Variants in OPA1 observed in about 807,000 individuals in gnomAD.
OPA1 encodes the protein dynamin-like GTPase OPA1, mitochondrial.
Under a neutral mutation model 152.9 loss-of-function variants are expected in OPA1, and 59 were observed. The ratio of observed to expected loss-of-function variants is 0.39; its 90% CI spans 0.31 to 0.48. OPA1 has a LOEUF of 0.48. OPA1 is among the 20% of genes least tolerant of loss of function. The pLI is 0.96. For synonymous variants in OPA1, 400 were observed against 389.9 expected (o/e 1.03, Z -0.31); for missense variants, 1,008 against 1,216.8 (o/e 0.83, Z 2.55).
chr3:193,683,796 C>A (rs900568756), intron 29 of OPA1, among the ~76,000 whole-genome samples: 2 of 152,180 alleles, frequency 1.3e-5, no homozygotes, highest in African/African-American at 4.8e-5. Flanking sequence ...AATGCTATTA[C>A]ACACTTAATA....
chr3:193,608,157 C>T (rs369187006), intron 1 of OPA1, among the ~76,000 whole-genome samples: 1 of 152,160 alleles, frequency 6.6e-6, no homozygotes, highest in African/African-American at 2.4e-5. Context: ...AAACCAGTTA[C>T]TGGATTCATT....
At chr3:193,658,048 C>T (rs1714289666) in intron 23 of OPA1, among the ~76,000 whole-genome samples, 2 of 152,046 alleles carry the variant, frequency 1.3e-5, no homozygotes, top group Non-Finnish European at 1.5e-5. Context: ...GAGTTTGAGA[C>T]CAGCCTGACC....
intron 22 of OPA1, among the ~76,000 whole-genome samples, chr3:193,655,683 T>C (rs997542138): frequency 2.0e-5 from 3 of 152,174 alleles, no homozygotes; most frequent in African/African-American, 7.2e-5. Flanking sequence ...AGTAATTATA[T>C]GTAAAATACT....
At chr3:193,605,590 C>T (rs951825655) in intron 1 of OPA1, among the ~76,000 whole-genome samples, 17 of 152,292 alleles carry the variant, frequency 1.1e-4, no homozygotes, top group Non-Finnish European at 1.6e-4. Context: ...AGGGGTATTA[C>T]AGGCTTGAGT....
chr3:193,628,103 A>T (rs1731455862), intron 7 of OPA1, among the ~76,000 whole-genome samples: 1 of 152,110 alleles, frequency 6.6e-6, no homozygotes, highest in African/African-American at 2.4e-5. Context: ...TGCCATAATG[A>T]TCAAAATCCT....
intron 6 of OPA1, among the ~76,000 whole-genome samples, chr3:193,622,055 A>G (rs1435887596): frequency 1.3e-5 from 2 of 152,128 alleles, no homozygotes; most frequent in Non-Finnish European, 2.9e-5. Flanking sequence ...AGCATCTCAC[A>G]GAAGTAAGAA....
intron 8 of OPA1, among the ~76,000 whole-genome samples, chr3:193,632,808 C>G (rs1407482539): frequency 6.6e-6 from 1 of 152,130 alleles, no homozygotes; most frequent in East Asian, 1.9e-4. Context: ...GAGGTCAAGG[C>G]TACTGTAAGC....
At chr3:193,661,680 C>CA (rs1280533691) in intron 25 of OPA1, among the ~76,000 whole-genome samples, 1 of 152,120 alleles carries the variant, frequency 6.6e-6, no homozygotes, top group Non-Finnish European at 1.5e-5. Flanking sequence ...TTGTTTAAGC[C>CA]AAACTAATGG....
chr3:193,640,131 C>A (rs1436789935), intron 11 of OPA1, among the ~76,000 whole-genome samples: 2 of 152,126 alleles, frequency 1.3e-5, no homozygotes, highest in Admixed American at 6.5e-5. Flanking sequence ...GGGCCAGAGA[C>A]ATACATTTAG....
At chr3:193,607,844 C>G (rs146017867) in intron 1 of OPA1, among the ~76,000 whole-genome samples, 20 of 152,290 alleles carry the variant, frequency 1.3e-4, no homozygotes, top group African/African-American at 4.8e-4. Context: ...CTATAAATTA[C>G]CCTGGGCAGT....
At chr3:193,670,175 G>C (rs1421517540) in intron 29 of OPA1, among the ~76,000 whole-genome samples, 1 of 152,156 alleles carries the variant, frequency 6.6e-6, no homozygotes, top group Non-Finnish European at 1.5e-5. Flanking sequence ...TGTATTATAA[G>C]GATCAAAGTT....
intron 22 of OPA1, among the ~76,000 whole-genome samples, chr3:193,656,482 T>C (rs991937528): frequency 4.6e-5 from 7 of 152,244 alleles, no homozygotes; most frequent in Admixed American, 2.0e-4. Flanking sequence ...GAGTTAGCTA[T>C]AATACAAAGC....
chr3:193,689,302 C>G (rs1165151819), intron 29 of OPA1: 1 of 152,152 alleles, frequency 6.6e-6, no homozygotes, highest in Non-Finnish European at 1.5e-5. Context: ...ACACTCACCT[C>G]CAGTCTCCCC....
Position 193,631,612 on chromosome 3 carries a change from G to T in OPA1, c.790G>T (p.Val264Leu). The change falls in exon 8 of 31, where the codon GTG (valine) becomes TTG (leucine). Residue 264 changes from valine to leucine, a missense_variant and splice_region_variant. By Grantham distance (32) the Val-to-Leu change is conservative. This residue lies in a region of OPA1 where 408 missense variants were observed against 395.1 expected (regional missense o/e 1.03). Coordinates refer to ENST00000361510, the MANE Select transcript of OPA1 (RefSeq NM_130837.3). ...AACTAAAATTATTTTAAACATTTAG[G>T]TGTCAGACAAAGAGAAAATTGACCA... ...STSYAQQKRK[V>L]SDKEKIDQLQ... The T allele has an allele frequency of 6.2e-7, 1 of 1,604,104 alleles. No individual in the cohort carries two copies. The highest frequency in any genetic ancestry group is 8.5e-7 in the Non-Finnish European group (1 of 1,171,290).
intron 29 of OPA1, among the ~76,000 whole-genome samples, chr3:193,676,917 C>G (rs748161642): frequency 7.2e-6 from 1 of 138,264 alleles, no homozygotes; most frequent in Non-Finnish European, 1.5e-5. Context: ...GGAGGCGGAG[C>G]TTGCGGTGAG....
chr3:193,601,250 G>A (rs184094025), intron 1 of OPA1, among the ~76,000 whole-genome samples: 125 of 151,804 alleles, frequency 8.2e-4, no homozygotes, highest in African/African-American at 2.7e-3. Context: ...ATCTTTCCCC[G>A]GTAGAAACTA....
intron 19 of OPA1, 33 bp from the exon 20 acceptor site, chr3:193,648,037 G>T (rs1370949434): frequency 6.7e-7 from 1 of 1,490,446 alleles, no homozygotes; most frequent in Non-Finnish European, 9.4e-7. Flanking sequence ...AAGAAGGAGG[G>T]TCATCAAACT....
chr3:193,605,823 G>A (rs946807236), intron 1 of OPA1, among the ~76,000 whole-genome samples: 3 of 152,140 alleles, frequency 2.0e-5, no homozygotes, highest in Non-Finnish European at 4.4e-5. Flanking sequence ...TTCAGATATG[G>A]GAACCTCTGG....
At chr3:193,653,070 T>G (rs1560388970) in intron 21 of OPA1, among the ~76,000 whole-genome samples, 1 of 152,170 alleles carries the variant, frequency 6.6e-6, no homozygotes, top group Non-Finnish European at 1.5e-5. Context: ...TTCTTGAGAT[T>G]GTGTATAAAG....
Sources: gnomAD v4.1 joint callset for allele counts (sites outside exome capture counted in the v4.1 genomes callset) on GRCh38, gnomAD v4.1.1 for gene constraint, gnomAD v4.1.1 regional missense constraint, MANE v1.5 for transcripts, NCBI Gene and HGNC (gene_info 2026-07-23, HGNC 2026-07-21) for gene names.